HSD17B11: variants seen among roughly 807,000 people sequenced by gnomAD.
HSD17B11 encodes the protein estradiol 17-beta-dehydrogenase 11.
In HSD17B11, 22 loss-of-function variants were observed where a neutral mutation model predicts 27.8. That is an observed-to-expected ratio of 0.79 (90% confidence interval 0.56 to 1.13). The LOEUF (loss-of-function observed/expected upper bound fraction) is 1.13, where lower values mean the gene tolerates loss of function less well. Among genes scored for constraint, HSD17B11 ranks in the 50% most tolerant of loss-of-function variants. The probability of loss-of-function intolerance (pLI) is 0.00; values close to 1 mark genes in which losing one functional copy is unlikely to be tolerated. For synonymous variants in HSD17B11, 117 were observed against 132.8 expected, an observed-to-expected ratio of 0.88 and a Z score of 0.82; for missense variants, 314 against 351.1, an observed-to-expected ratio of 0.89 and a Z score of 0.84.
At chr4:87,373,092 C>T in intron 3 of HSD17B11, 1 of 318,316 alleles carries the variant, frequency 3.1e-6, no homozygotes, top group South Asian at 3.7e-5. Context: ...GTAATCCCAG[C>T]ACTTTGGGAG....
intron 5 of HSD17B11, among the ~76,000 whole-genome samples, chr4:87,354,526 C>T (rs1735344386): frequency 6.6e-6 from 1 of 151,806 alleles, no homozygotes; most frequent in Non-Finnish European, 1.5e-5. Flanking sequence ...CCTGTATGGT[C>T]CCAGGGACTG....
At chr4:87,342,149 G>A (rs896870655) in intron 5 of HSD17B11, among the ~76,000 whole-genome samples, 11 of 152,118 alleles carry the variant, frequency 7.2e-5, no homozygotes, top group Admixed American at 1.3e-4. Context: ...TTGGGAGGCC[G>A]AGGCAAGCAG....
At chr4:87,355,740 T>A (rs1735369779) in intron 5 of HSD17B11, among the ~76,000 whole-genome samples, 1 of 151,934 alleles carries the variant, frequency 6.6e-6, no homozygotes, top group Non-Finnish European at 1.5e-5. Context: ...CCCATCTCTA[T>A]TAAAAATACG....
rs1198719363 is a variant in HSD17B11, at chr4:87,357,313, C to T, written c.661G>A (p.Val221Ile). The change falls in exon 5 of 7, where the codon GTA becomes ATA. Residue 221 changes from valine (V) to isoleucine (I), a missense_variant. Val to Ile is a conservative substitution (Grantham distance 29). Coordinates refer to ENST00000358290, the MANE Select transcript of HSD17B11 (RefSeq NM_016245.5). Reference sequence around the variant, plus strand: ...GGATTTTTGATGAAGCCAGTGTTTACGAAATTAGGACACAGACATGTTGTT... The same window carrying T: ...GGATTTTTGATGAAGCCAGTGTTTATGAAATTAGGACACAGACATGTTGTT... ...VKTTCLCPNF[V>I]NTGFIKNPST... 9.3e-6 allele frequency: 15 copies of T among 1,611,950 alleles called. No homozygotes were observed. The highest frequency in any genetic ancestry group is 4.0e-5 in the African/African-American group (3 of 74,808).
chr4:87,377,152 A>T (rs569044126), intron 2 of HSD17B11, among the ~76,000 whole-genome samples: 18 of 150,650 alleles, frequency 1.2e-4, no homozygotes, highest in Middle Eastern at 3.3e-3. Context: ...AAATATTTTT[A>T]AAAAAAGACT....
chr4:87,378,709 T>C (rs1418977294), intron 2 of HSD17B11, among the ~76,000 whole-genome samples: 1 of 142,192 alleles, frequency 7.0e-6, no homozygotes, highest in Non-Finnish European at 1.5e-5. Context: ...ACCATCCTTC[T>C]ACTCTCTATC....
In HSD17B11 at chr4:87,391,170, G is replaced by T; in HGVS notation, c.-100C>A. ...CGATCTAACACCAGAAAGAGTAGGG[G>T]CGAGAGCAAGGAGGAACTCCCGTAT... On this transcript the variant is annotated 5_prime_UTR_variant, in exon 1 of 7. Coordinates refer to ENST00000358290, the MANE Select transcript of HSD17B11 (RefSeq NM_016245.5). The T allele has an allele frequency of 1.2e-6, 1 of 835,390 alleles. No individual in the cohort carries two copies. Among genetic ancestry groups the T allele is most frequent in the Non-Finnish European group, 1.9e-6 (1 of 538,178 alleles). The allele number at this position is 835,390 out of a possible 1,614,324, so 51.7% of individuals were successfully genotyped here.
At chr4:87,343,085 GCTAAC>G in intron 5 of HSD17B11, among the ~76,000 whole-genome samples, 1 of 152,302 alleles carries the variant, frequency 6.6e-6, no homozygotes, top group Middle Eastern at 3.4e-3. Context: ...CTGTGGCCTT[GCTAAC>G]CTACCTATCA....
chr4:87,339,141 C>T (rs1735116727), intron 6 of HSD17B11, among the ~76,000 whole-genome samples: 1 of 152,150 alleles, frequency 6.6e-6, no homozygotes, highest in African/African-American at 2.4e-5. Flanking sequence ...AGGCAAAATT[C>T]CTTCTTCTAT....
At chr4:87,384,711 G>A (rs922100406) in intron 1 of HSD17B11, among the ~76,000 whole-genome samples, 4 of 151,850 alleles carry the variant, frequency 2.6e-5, no homozygotes, top group Middle Eastern at 3.4e-3. Flanking sequence ...TGGTAAATCT[G>A]TGGTCAGACC....
chr4:87,378,965 T>A lies in HSD17B11; in HGVS notation c.318+3290A>T, dbSNP rs867090713. Among the ~76,000 whole-genome samples, 63 of 81,822 alleles carry A rather than the reference T, an allele frequency of 7.7e-4. 3 individuals are homozygous for A. The highest frequency in any genetic ancestry group is 2.7e-3 in the African/African-American group (53 of 19,310). 53.7% of individuals were successfully genotyped at this position (81,822 alleles called of 152,430 possible). A position where few individuals can be genotyped will look rare whatever the true frequency, so the allele number is the denominator to read the frequency against. On this transcript the variant is annotated intron_variant, in intron 2 of 6. Transcript: ENST00000358290. ...ATATATATTTATATATATATATTTT[T>A]TTTTTTTTTTGAGATGGTGTCTTGC...
intron 4 of HSD17B11, among the ~76,000 whole-genome samples, chr4:87,362,336 GC>G (rs1735532730): frequency 6.6e-6 from 1 of 152,162 alleles, no homozygotes; most frequent in African/African-American, 2.4e-5. Context: ...GACCAGCTTG[GC>G]CAACACGGTG....
intron 6 of HSD17B11, 139 bp downstream of exon 6, chr4:87,340,351 T>A (rs1735142218): frequency 1.9e-6 from 1 of 519,022 alleles, no homozygotes; most frequent in African/African-American, 1.9e-5. Context: ...TGCCTCAATG[T>A]TATTGAGCCT....
In HSD17B11 at chr4:87,374,735, T is replaced by C. The variant is rs1216628756; in HGVS notation, c.414A>G (p.Glu138=). ...DLFATQDPQI[E]KTFEVNVLAH... ...CAAGTACATTAACTTCAAAAGTCTTTTCAATCTGAGGATCTTGTGTAGCAA... is the reference window on the plus strand; with the variant it reads ...CAAGTACATTAACTTCAAAAGTCTTCTCAATCTGAGGATCTTGTGTAGCAA... Residue 138 remains glutamate, a synonymous_variant, in exon 3 of 7, where the codon GAA becomes GAG. Coordinates refer to ENST00000358290, the MANE Select transcript of HSD17B11 (RefSeq NM_016245.5). The C allele has an allele frequency of 6.2e-7, 1 of 1,609,168 alleles. No individual in the cohort carries two copies. The highest frequency in any genetic ancestry group is 1.3e-5 in the African/African-American group (1 of 74,748).
chr4:87,386,126 G>A (rs902458231), intron 1 of HSD17B11, among the ~76,000 whole-genome samples: 2 of 151,888 alleles, frequency 1.3e-5, no homozygotes, highest in African/African-American at 2.4e-5. Context: ...TTTCACATCC[G>A]CTGTCTCACT....
intron 2 of HSD17B11, among the ~76,000 whole-genome samples, chr4:87,380,080 C>T (rs1360178648): frequency 6.9e-6 from 1 of 144,360 alleles, no homozygotes; most frequent in Non-Finnish European, 1.5e-5. Context: ...CACTACACTC[C>T]AGCCTGGGTA....
intron 6 of HSD17B11, among the ~76,000 whole-genome samples, chr4:87,338,673 C>T (rs933413388): frequency 2.6e-5 from 4 of 152,098 alleles, no homozygotes; most frequent in African/African-American, 9.7e-5. Context: ...GTAGCTGGTA[C>T]TACAGGTGTG....
chr4:87,342,444 C>T (rs896972069), intron 5 of HSD17B11, among the ~76,000 whole-genome samples: 7 of 149,382 alleles, frequency 4.7e-5, no homozygotes, highest in African/African-American at 7.5e-5. Context: ...GAGTGACTCA[C>T]GCCTGTAATC....
chr4:87,345,621 A>G (rs1370175690), intron 5 of HSD17B11, among the ~76,000 whole-genome samples: 1 of 152,184 alleles, frequency 6.6e-6, no homozygotes, highest in Non-Finnish European at 1.5e-5. Flanking sequence ...GAATGAAAGC[A>G]GGGACATTCC....
Sources: gnomAD v4.1 joint callset for allele counts (sites outside exome capture counted in the v4.1 genomes callset) on GRCh38, gnomAD v4.1.1 for gene constraint, MANE v1.5 for transcripts, NCBI Gene and HGNC (gene_info 2026-07-23, HGNC 2026-07-21) for gene names.